GRM1: variants seen among roughly 807,000 people sequenced by gnomAD.
GRM1 encodes the protein metabotropic glutamate receptor 1.
In GRM1, 33 loss-of-function variants were observed where a neutral mutation model predicts 90.9. That is an observed-to-expected ratio of 0.36 (90% CI 0.28 to 0.49). The LOEUF (loss-of-function observed/expected upper bound fraction) is 0.49, where lower values mean the gene tolerates loss of function less well. Among genes scored for constraint, GRM1 ranks in the 20% least tolerant of loss-of-function variants. The pLI, the probability that GRM1 is intolerant of heterozygous loss-of-function variation, is 0.99. For synonymous variants in GRM1, 700 were observed against 613.2 expected, an observed-to-expected ratio of 1.14 and a Z score of -2.09; for missense variants, 1,190 against 1,534.3, an observed-to-expected ratio of 0.78 and a Z score of 3.75.
intron 2 of GRM1, among the ~76,000 whole-genome samples, chr6:146,204,417 A>G (rs1249205426): frequency 1.3e-5 from 2 of 152,292 alleles, no homozygotes; most frequent in African/African-American, 2.4e-5. Flanking sequence ...CTTAATTTAC[A>G]CCCTTTAATT....
At chr6:146,152,846 T>C (rs1036683072) in intron 1 of GRM1, among the ~76,000 whole-genome samples, 3 of 152,236 alleles carry the variant, frequency 2.0e-5, no homozygotes, top group African/African-American at 7.2e-5. Context: ...CCTGAGTGTT[T>C]ACAATTACAT....
intron 1 of GRM1, among the ~76,000 whole-genome samples, chr6:146,082,197 C>A (rs556895513): frequency 6.6e-6 from 1 of 152,204 alleles, no homozygotes; most frequent in Non-Finnish European, 1.5e-5. Flanking sequence ...ACACTGTCAC[C>A]CAGGCTGGAG....
intron 2 of GRM1, among the ~76,000 whole-genome samples, chr6:146,277,642 C>G (rs1350779351): frequency 2.0e-5 from 3 of 152,160 alleles, no homozygotes; most frequent in Non-Finnish European, 4.4e-5. Context: ...CTCCTGGTTT[C>G]CCCTGGACTT....
intron 2 of GRM1, among the ~76,000 whole-genome samples, chr6:146,203,011 C>T (rs553799607): frequency 5.9e-5 from 9 of 151,838 alleles, no homozygotes; most frequent in South Asian, 2.1e-4. Context: ...CTGGCTAACA[C>T]GGTGAAACCC....
intron 1 of GRM1, among the ~76,000 whole-genome samples, chr6:146,133,955 A>G (rs889530003): frequency 5.9e-5 from 9 of 152,238 alleles, no homozygotes; most frequent in African/African-American, 2.2e-4. Context: ...TTTCGATAAC[A>G]TCATATGTAA....
intron 6 of GRM1, 74 bp downstream of exon 6, chr6:146,387,090 A>G: frequency 2.2e-6 from 3 of 1,353,468 alleles, no homozygotes; most frequent in African/African-American, 1.4e-5. Context: ...TCAAATGAGA[A>G]TGATTAGCTC....
chr6:146,421,615 G>A (rs2114660339), intron 7 of GRM1, among the ~76,000 whole-genome samples: 1 of 152,142 alleles, frequency 6.6e-6, no homozygotes, highest in African/African-American at 2.4e-5. Context: ...GATTTTAATA[G>A]GGCAAAATGT....
At position 146,191,246 on chromosome 6, in the gene GRM1, CT is replaced by C. The variant is rs1251384640; in HGVS notation, c.950+31651del. Among the ~76,000 whole-genome samples, 12 of 152,156 alleles carry C rather than the reference CT, an allele frequency of 7.9e-5. 1 individual carries two copies. The highest frequency in any genetic ancestry group is 2.2e-4 in the African/African-American group (9 of 41,436). On this transcript the variant is annotated intron_variant, in intron 2 of 7. Coordinates refer to ENST00000282753, the MANE Select transcript of GRM1 (RefSeq NM_001278064.2). Reference sequence around the variant, plus strand: ...TCTGTCATGGCATTACCATGGGTGTCTTGATGGTCTGTGGACCGGGGTGATC... The same window carrying C: ...TCTGTCATGGCATTACCATGGGTGTCTGATGGTCTGTGGACCGGGGTGATC...
chr6:146,174,988 T>TAG (rs1020710899), intron 2 of GRM1, among the ~76,000 whole-genome samples: 2 of 151,720 alleles, frequency 1.3e-5, no homozygotes, highest in African/African-American at 4.8e-5. Context: ...GGGGGGCGGA[T>TAG]AGAGAGAGAG....
intron 2 of GRM1, among the ~76,000 whole-genome samples, chr6:146,220,392 T>C (rs1389260596): frequency 1.3e-5 from 2 of 152,148 alleles, no homozygotes; most frequent in Non-Finnish European, 2.9e-5. Context: ...TGTCAGAGTA[T>C]GCTATTTTAA....
intron 5 of GRM1, among the ~76,000 whole-genome samples, chr6:146,370,342 T>C (rs1775852060): frequency 1.3e-5 from 2 of 152,070 alleles, no homozygotes; most frequent in South Asian, 2.1e-4. Flanking sequence ...TCCTCATGGG[T>C]AGTGACATTA....
At chr6:146,036,129 C>T (rs550874648) in intron 1 of GRM1, among the ~76,000 whole-genome samples, 1 of 152,046 alleles carries the variant, frequency 6.6e-6, no homozygotes, top group Admixed American at 6.6e-5. Flanking sequence ...TATACAATAA[C>T]TGCTTTGTGG....
At chr6:146,082,909 C>T (rs1776413084) in intron 1 of GRM1, among the ~76,000 whole-genome samples, 1 of 152,148 alleles carries the variant, frequency 6.6e-6, no homozygotes, top group East Asian at 1.9e-4. Flanking sequence ...TGTCTTATTT[C>T]ATTGAGCAGT....
chr6:146,142,540 G>C (rs1439937160), intron 1 of GRM1, among the ~76,000 whole-genome samples: 1 of 152,130 alleles, frequency 6.6e-6, no homozygotes, highest in Non-Finnish European at 1.5e-5. Flanking sequence ...GGCAGGACCT[G>C]GAGTCAGAAA....
chr6:146,182,269 T>C (rs996384834), intron 2 of GRM1, among the ~76,000 whole-genome samples: 4 of 152,164 alleles, frequency 2.6e-5, no homozygotes, highest in Admixed American at 2.0e-4. Flanking sequence ...GCTTGATTAG[T>C]AGATTGTTTT....
intron 2 of GRM1, among the ~76,000 whole-genome samples, chr6:146,178,086 C>T (rs998697661): frequency 6.6e-6 from 1 of 152,100 alleles, no homozygotes; most frequent in Non-Finnish European, 1.5e-5. Context: ...ATGTTTTCCG[C>T]AGATCATAGT....
At chr6:146,223,617 A>G (rs527262873) in intron 2 of GRM1, among the ~76,000 whole-genome samples, 1 of 152,256 alleles carries the variant, frequency 6.6e-6, no homozygotes, top group East Asian at 1.9e-4. Context: ...TTTCAGGAAT[A>G]TCACTAAAAT....
At chr6:146,059,337 A>C (rs1775586345) in intron 1 of GRM1, among the ~76,000 whole-genome samples, 1 of 152,230 alleles carries the variant, frequency 6.6e-6, no homozygotes, top group South Asian at 2.1e-4. Context: ...TGTATTGTCA[A>C]TGAGCAGTAA....
intron 6 of GRM1, 26 bp from the exon 7 acceptor site, chr6:146,398,743 T>C: frequency 6.6e-7 from 1 of 1,511,262 alleles, no homozygotes. Flanking sequence ...CTTGGATTCA[T>C]GCTCAAATGA....
Sources: allele counts gnomAD v4.1 joint callset (sites outside exome capture counted in the v4.1 genomes callset), GRCh38; gene constraint gnomAD v4.1.1; transcripts MANE v1.5; gene names NCBI Gene and HGNC (gene_info 2026-07-23, HGNC 2026-07-21).